Variants in PTPRD observed in about 807,000 individuals in gnomAD.
PTPRD encodes protein tyrosine phosphatase receptor type D.
In PTPRD, 34 loss-of-function variants were observed where a neutral mutation model predicts 214.5. That is an observed-to-expected ratio of 0.16 (90% CI 0.12 to 0.21). The LOEUF is 0.21. Ranked by LOEUF, PTPRD falls within the 10% of genes least tolerant of loss-of-function variation. The pLI is 1.00. For missense variants in PTPRD, 2,545 were observed against 2,398.7 expected (o/e 1.06, Z -1.27); for synonymous variants, 1,128 against 845.7 (o/e 1.33, Z -5.79).
Position 8,314,858 on chromosome 9 carries a change from A to C in PTPRD, c.*3016T>G, listed in dbSNP as rs1820935661. 1 of 232,372 alleles carries C rather than the reference A, an allele frequency of 4.3e-6. No homozygotes were observed. Among genetic ancestry groups the C allele is most frequent in the African/African-American group, 2.2e-5 (1 of 45,244 alleles). 14.4% of individuals were successfully genotyped at this position (232,372 alleles called of 1,614,324 possible). ...GAATCAATAGGGCAGTGCATAGTACAAAGGTATAGAAAGTGCAAAGTTCCC... is the reference window on the plus strand; with the variant it reads ...GAATCAATAGGGCAGTGCATAGTACCAAGGTATAGAAAGTGCAAAGTTCCC... On this transcript the variant is annotated 3_prime_UTR_variant, in exon 46 of 46. Transcript: ENST00000381196.
intron 11 of PTPRD, among the ~76,000 whole-genome samples, chr9:8,805,249 T>A (rs2096652087): frequency 6.6e-6 from 1 of 152,158 alleles, no homozygotes; most frequent in African/African-American, 2.4e-5. Context: ...AAAACTAAAG[T>A]TCCAAAAATT....
intron 12 of PTPRD, among the ~76,000 whole-genome samples, chr9:8,665,142 T>A (rs571495433): frequency 2.6e-4 from 39 of 152,348 alleles, no homozygotes; most frequent in African/African-American, 8.4e-4. Context: ...AGGGTGTGGT[T>A]CTTTCACAAG....
intron 5 of PTPRD, among the ~76,000 whole-genome samples, chr9:9,791,831 T>A (rs868426801): frequency 2.6e-5 from 4 of 152,190 alleles, no homozygotes; most frequent in African/African-American, 9.6e-5. Flanking sequence ...ATCCAATTTC[T>A]AAATAGCAGC....
intron 11 of PTPRD, among the ~76,000 whole-genome samples, chr9:8,971,227 TAA>T (rs1365215120): frequency 6.6e-6 from 1 of 151,872 alleles, no homozygotes; most frequent in Non-Finnish European, 1.5e-5. Context: ...TTATTAGATA[TAA>T]GTTAACTTAG....
At chr9:9,880,221 C>A (rs10114512) in intron 5 of PTPRD, among the ~76,000 whole-genome samples, 1 of 152,058 alleles carries the variant, frequency 6.6e-6, no homozygotes, top group Non-Finnish European at 1.5e-5. Flanking sequence ...CTTCCCCTTC[C>A]GCCATGATTT....
intron 12 of PTPRD, among the ~76,000 whole-genome samples, chr9:8,712,876 G>A (rs999938220): frequency 4.6e-5 from 7 of 151,982 alleles, no homozygotes; most frequent in African/African-American, 1.4e-4. Context: ...CCGCCACCAC[G>A]CCTGACTAAT....
chr9:10,428,729 C>T (rs1435059916), intron 2 of PTPRD, among the ~76,000 whole-genome samples: 1 of 152,060 alleles, frequency 6.6e-6, no homozygotes, highest in Non-Finnish European at 1.5e-5. Context: ...ATGGAATATT[C>T]TATTTGGTCC....
chr9:9,688,833 C>A (rs1289430984), intron 7 of PTPRD, among the ~76,000 whole-genome samples: 2 of 151,312 alleles, frequency 1.3e-5, no homozygotes, highest in African/African-American at 4.9e-5. Context: ...TTTACCCAGG[C>A]ATTTAAAAAA....
intron 5 of PTPRD, among the ~76,000 whole-genome samples, chr9:9,779,310 C>G (rs534392153): frequency 1.3e-5 from 2 of 152,050 alleles, no homozygotes; most frequent in African/African-American, 4.8e-5. Flanking sequence ...AAAAATTTGG[C>G]TAAGTTCTGA....
intron 11 of PTPRD, among the ~76,000 whole-genome samples, chr9:8,993,599 A>G (rs529580129): frequency 4.1e-4 from 62 of 152,278 alleles, no homozygotes; most frequent in African/African-American, 1.4e-3. Context: ...TAAAATTTTC[A>G]GGGAAAATCA....
At chr9:9,019,468 G>T (rs1274015897) in intron 10 of PTPRD, among the ~76,000 whole-genome samples, 1 of 152,152 alleles carries the variant, frequency 6.6e-6, no homozygotes, top group Non-Finnish European at 1.5e-5. Context: ...ACTTGGGGAG[G>T]CCAAGGCAGG....
chr9:9,717,227 A>G (rs2097851172), intron 7 of PTPRD, among the ~76,000 whole-genome samples: 1 of 152,206 alleles, frequency 6.6e-6, no homozygotes, highest in African/African-American at 2.4e-5. Context: ...TTTTGGTACC[A>G]GTACCATGCT....
At chr9:10,018,932 C>A (rs965841266) in intron 4 of PTPRD, among the ~76,000 whole-genome samples, 7 of 152,144 alleles carry the variant, frequency 4.6e-5, no homozygotes, top group Non-Finnish European at 8.8e-5. Context: ...CAAATGGGAT[C>A]TAATTAAACT....
At position 8,317,915 on chromosome 9, in the gene PTPRD, C is replaced by A. The variant is rs748481193; in HGVS notation, c.5698G>T (p.Ala1900Ser). 2.5e-6 allele frequency: 4 copies of A among 1,611,704 alleles called. No homozygotes were observed. The highest frequency in any genetic ancestry group is 1.7e-5 in the Admixed American group (1 of 59,856). The change falls in exon 46 of 46, where the codon GCA becomes TCA. Residue 1900 changes from alanine to serine, a missense_variant. Physicochemically the swap from Ala to Ser is moderately conservative, Grantham distance 99 (BLOSUM62 1). Coordinates refer to ENST00000381196, the MANE Select transcript of PTPRD (RefSeq NM_002839.4). ...EDQYQFSYRA[A>S]LEYLGSFDHY... is the part of the protein sequence containing the mutation. The stretch of plus-strand genomic sequence containing the variant: ...TCAAAGCTGCCCAGGTACTCTAGTG[C>A]GGCACGATAGGAAAACTGATATTGA...
At chr9:9,365,100 G>A (rs895624422) in intron 9 of PTPRD, among the ~76,000 whole-genome samples, 5 of 151,458 alleles carry the variant, frequency 3.3e-5, no homozygotes, top group Admixed American at 6.6e-5. Context: ...GGAGAACACT[G>A]AGTAATATGT....
intron 2 of PTPRD, among the ~76,000 whole-genome samples, chr9:10,370,742 T>C (rs1222583436): frequency 6.6e-6 from 1 of 152,032 alleles, no homozygotes; most frequent in East Asian, 1.9e-4. Context: ...TCTACCTACA[T>C]GCATCCCTTT....
chr9:9,412,589 C>A (rs143257296), intron 8 of PTPRD, among the ~76,000 whole-genome samples: 3 of 152,124 alleles, frequency 2.0e-5, no homozygotes, highest in African/African-American at 7.2e-5. Flanking sequence ...TCATCCCAGT[C>A]ACTACGCGAA....
intron 5 of PTPRD, among the ~76,000 whole-genome samples, chr9:9,818,831 G>C (rs897788421): frequency 6.8e-6 from 1 of 146,672 alleles, no homozygotes; most frequent in African/African-American, 2.5e-5. Context: ...CTGGAAAATT[G>C]CTTGAAACTG....
intron 4 of PTPRD, among the ~76,000 whole-genome samples, chr9:9,956,519 T>C (rs1200797525): frequency 2.6e-5 from 4 of 152,182 alleles, no homozygotes; most frequent in African/African-American, 9.6e-5. Flanking sequence ...GAGAAACCCA[T>C]AATATTAAAA....
Sources: allele counts gnomAD v4.1 joint callset (sites outside exome capture counted in the v4.1 genomes callset), GRCh38; gene constraint gnomAD v4.1.1; transcripts MANE v1.5; gene names NCBI Gene and HGNC (gene_info 2026-07-23, HGNC 2026-07-21).